The following NPHP4 variants were observed in gnomAD, a reference collection of about 807,000 sequenced individuals.
NPHP4 encodes nephrocystin-4.
In NPHP4, 151 loss-of-function variants were observed where a neutral mutation model predicts 155.8. The ratio of observed to expected loss-of-function variants is 0.97; its 90% CI spans 0.85 to 1.11. The LOEUF is 1.11. NPHP4 is among the 50% of genes least tolerant of loss of function. NPHP4 has a pLI of 0.00. For synonymous variants in NPHP4, 845 were observed against 816.8 expected (o/e 1.03, Z -0.59); for missense variants, 1,956 against 1,925.7 (o/e 1.02, Z -0.29).
Position 5,887,180 on chromosome 1 carries a change from C to T in NPHP4, c.2485+106G>A, listed in dbSNP as rs1218313416. 1.8e-5 allele frequency: 20 copies of T among 1,083,922 alleles called. No individual in the cohort carries two copies. In the African/African-American group the frequency reaches 2.1e-4, roughly 11 times the overall value. 67.1% of individuals were successfully genotyped at this position (1,083,922 alleles called of 1,614,324 possible). A position where few individuals can be genotyped will look rare whatever the true frequency, so the allele number is the denominator to read the frequency against. On this transcript the variant is annotated intron_variant, in intron 18 of 29. Transcript: ENST00000378156. ...TGGTGAGAATTCTCCCGGTTTCCTC[C>T]TGGGCCCGTGAAGCCCATGATGTGG...
At position 5,978,250 on chromosome 1, in the gene NPHP4, C is replaced by T. The variant is rs1331717327; in HGVS notation, c.279+20G>A. ...ACCCTCCGCCTTGGAGCAGCCCCTG[C>T]CACCATCACCAGGGCCCACCTCATT... On this transcript the variant is annotated intron_variant, in intron 3 of 29. Coordinates refer to ENST00000378156, the MANE Select transcript of NPHP4 (RefSeq NM_015102.5). The T allele has an allele frequency of 1.3e-6, 2 of 1,596,398 alleles. No homozygotes were observed. The highest frequency in any genetic ancestry group is 3.5e-5 in the Admixed American group (2 of 57,864).
chr1:5,911,620 T>C (rs1645183155), intron 11 of NPHP4, among the ~76,000 whole-genome samples: 1 of 152,114 alleles, frequency 6.6e-6, no homozygotes. Context: ...AATTTTTTCT[T>C]CCAAGAGAGT....
At chr1:5,872,743 A>C (rs1642133323) in intron 23 of NPHP4, among the ~76,000 whole-genome samples, 1 of 152,252 alleles carries the variant, frequency 6.6e-6, no homozygotes, top group South Asian at 2.1e-4. Flanking sequence ...GTTTCTACCG[A>C]ATAAAAAACA....
intron 1 of NPHP4, among the ~76,000 whole-genome samples, chr1:5,988,071 A>G (rs1655741042): frequency 6.6e-6 from 1 of 152,236 alleles, no homozygotes; most frequent in Non-Finnish European, 1.5e-5. Context: ...CCGTGAACCA[A>G]TATTTTCTGA....
At chr1:5,904,931 T>G in intron 15 of NPHP4, 127 bp from the exon 16 acceptor site, 1 of 904,750 alleles carries the variant, frequency 1.1e-6, no homozygotes, top group South Asian at 1.6e-5. Flanking sequence ...GAGGCTGCCG[T>G]GGTCACCAAT....
chr1:5,920,815 C>T (rs1557738974), intron 11 of NPHP4, among the ~76,000 whole-genome samples: 1 of 152,140 alleles, frequency 6.6e-6, no homozygotes, highest in Non-Finnish European at 1.5e-5. Context: ...TGTCTTCTAA[C>T]TTTGTTTACA....
intron 3 of NPHP4, 145 bp from the exon 4 acceptor site, chr1:5,969,404 ATCTC>A: frequency 2.2e-6 from 1 of 459,220 alleles, no homozygotes; most frequent in Non-Finnish European, 3.8e-6. Flanking sequence ...GGTGTACCAC[ATCTC>A]TGCAGGATGC....
At chr1:5,961,701 G>T in intron 6 of NPHP4, 93 bp downstream of exon 6, 1 of 1,273,374 alleles carries the variant, frequency 7.9e-7, no homozygotes, top group Non-Finnish European at 1.1e-6. Context: ...CTCGGCCCAC[G>T]CTGCCCCCAG....
chr1:5,905,794 C>A lies in NPHP4; in HGVS notation c.1612-11G>T, dbSNP rs372386562. ...CAACGGGAACTCCTGCTGAACAAAACGAGGGCTTCCAAGTGAGGCCACCAA... is the reference window on the plus strand; with the variant it reads ...CAACGGGAACTCCTGCTGAACAAAAAGAGGGCTTCCAAGTGAGGCCACCAA... On this transcript the variant is annotated splice_polypyrimidine_tract_variant and intron_variant, in intron 13 of 29. Coordinates refer to ENST00000378156, the MANE Select transcript of NPHP4 (RefSeq NM_015102.5). This position sits in a 1 kb window ranked among gnomAD's most constrained non-coding sequence, Gnocchi z 4.0. 3.8e-6 allele frequency: 6 copies of A among 1,595,910 alleles called. No homozygotes were observed. Among genetic ancestry groups the A allele is most frequent in the South Asian group, 1.1e-5 (1 of 88,196 alleles).
intron 23 of NPHP4, among the ~76,000 whole-genome samples, chr1:5,869,656 T>C (rs781514502): frequency 2.0e-5 from 3 of 152,246 alleles, no homozygotes; most frequent in Non-Finnish European, 4.4e-5. Context: ...TTCAGAAATC[T>C]TGCACTGACA....
At chr1:5,917,135 G>A (rs1259760452) in intron 11 of NPHP4, among the ~76,000 whole-genome samples, 2 of 152,026 alleles carry the variant, frequency 1.3e-5, no homozygotes, top group African/African-American at 2.4e-5. Flanking sequence ...TTTCCTTTAG[G>A]GAATCACCCT....
intron 11 of NPHP4, among the ~76,000 whole-genome samples, 164 bp from the exon 12 acceptor site, chr1:5,909,377 C>T (rs1258868757): frequency 2.0e-5 from 3 of 152,290 alleles, no homozygotes; most frequent in South Asian, 2.1e-4. Flanking sequence ...GCAAGGGTGC[C>T]ACCCAAAAGT....
rs1201497569 is a variant in NPHP4, at chr1:5,873,295, A to T, written c.3272T>A (p.Val1091Glu). The T allele has an allele frequency of 6.2e-7, 1 of 1,613,888 alleles. No individual in the cohort carries two copies. Among genetic ancestry groups the T allele is most frequent in the Non-Finnish European group, 8.5e-7 (1 of 1,179,816 alleles). ...GLSNEKGMDA[V>E]SPWKSSAVPT... Reference sequence around the variant, plus strand: ...CACTGCGCTGGACTTCCAAGGTGACACGGCGTCCATGCCCTTCTCGTTGCT... The same window carrying T: ...CACTGCGCTGGACTTCCAAGGTGACTCGGCGTCCATGCCCTTCTCGTTGCT... The change falls in exon 23 of 30, where the codon GTG becomes GAG. Residue 1091 changes from valine to glutamate, a missense_variant. By Grantham distance (121) the Val-to-Glu change is moderately radical. Coordinates refer to ENST00000378156, the MANE Select transcript of NPHP4 (RefSeq NM_015102.5).
rs1557616007 is a variant in NPHP4 at position 5,874,618 on chromosome 1, AC to A, written c.3083del (p.Gly1028ValfsTer55). 1.9e-6 allele frequency: 3 copies of A among 1,611,686 alleles called. No individual in the cohort carries two copies. In the African/African-American group the frequency reaches 4.0e-5, roughly 22 times the overall value. On this transcript the variant is annotated frameshift_variant, in exon 22 of 30. Coordinates refer to ENST00000378156, the MANE Select transcript of NPHP4 (RefSeq NM_015102.5). LOFTEE classifies it high-confidence loss of function. Reference protein sequence around the residue: ...VDSQEWRDFKGAAGLHTPVEE... With the variant: ...VDSQEWRDFKXAAGLHTPVEE... ...CCACCGGTGTGTGCAGGCCAGCAGC[AC>A]CCTTGAAGTCCCTCCACTCCTGACT...
chr1:5,864,091 C>A, intron 28 of NPHP4, 58 bp from the exon 29 acceptor site: 1 of 1,581,354 alleles, frequency 6.3e-7, no homozygotes. Flanking sequence ...GCCACTGGCC[C>A]TTCCTCCAAG....
intron 11 of NPHP4, among the ~76,000 whole-genome samples, chr1:5,916,241 G>A (rs1645464920): frequency 6.6e-6 from 1 of 152,166 alleles, no homozygotes; most frequent in African/African-American, 2.4e-5. Context: ...CAATGTTACA[G>A]AGAAAATAAA....
chr1:5,937,458 C>G (rs1344405838), intron 9 of NPHP4, among the ~76,000 whole-genome samples: 1 of 152,262 alleles, frequency 6.6e-6, no homozygotes, highest in Non-Finnish European at 1.5e-5. Context: ...GTGAAAACAT[C>G]ACATTACTTC....
rs1470923006 is a variant in NPHP4 at position 5,867,448 on chromosome 1, T to C, written c.3472+292A>G. 3 of 551,246 alleles carry C rather than the reference T, an allele frequency of 5.4e-6. No homozygotes were observed. In the South Asian group the frequency reaches 6.8e-5, roughly 12 times the overall value. 34.1% of individuals were successfully genotyped at this position (551,246 alleles called of 1,614,324 possible). ...GCACCTACCAGAAACACGCGGGCCG[T>C]CAGGTGAGGAGGTAGGTGTTCCTCC... On this transcript the variant is annotated intron_variant, in intron 24 of 29. Coordinates refer to ENST00000378156, the MANE Select transcript of NPHP4 (RefSeq NM_015102.5). This position sits in a 1 kb window ranked among gnomAD's most constrained non-coding sequence, Gnocchi z 4.1.
chr1:5,917,964 G>A (rs1645558713), intron 11 of NPHP4, among the ~76,000 whole-genome samples: 1 of 152,228 alleles, frequency 6.6e-6, no homozygotes, highest in African/African-American at 2.4e-5. Flanking sequence ...AACACCCTCT[G>A]GGACCAGGAC....
Sources: gnomAD v4.1 joint callset for allele counts (sites outside exome capture counted in the v4.1 genomes callset) on GRCh38, gnomAD v4.1.1 for gene constraint, Gnocchi (gnomAD v3.1) non-coding constraint, MANE v1.5 for transcripts, NCBI Gene and HGNC (gene_info 2026-07-23, HGNC 2026-07-21) for gene names.